Variants in DYNC2H1 observed in about 807,000 individuals in gnomAD.
DYNC2H1 encodes cytoplasmic dynein 2 heavy chain 1.
In DYNC2H1, 410 loss-of-function variants were observed where a neutral mutation model predicts 570.0. That is an observed-to-expected ratio of 0.72 (90% CI 0.66 to 0.78). DYNC2H1 has a LOEUF of 0.78. Among genes scored for constraint, DYNC2H1 ranks in the 30% least tolerant of loss-of-function variants. The probability of loss-of-function intolerance (pLI) is 0.00; values close to 1 mark genes in which losing one functional copy is unlikely to be tolerated. For synonymous variants in DYNC2H1, 1,688 were observed against 1,677.6 expected, an observed-to-expected ratio of 1.01 and a Z score of -0.15; for missense variants, 4,865 against 5,046.4, an observed-to-expected ratio of 0.96 and a Z score of 1.09.
rs1161612436 is a variant in DYNC2H1, at chr11:103,321,116, G to A, written c.11813G>A (p.Arg3938Lys). 6.2e-7 allele frequency: 1 copy of A among 1,612,430 alleles called. No homozygotes were observed. Among genetic ancestry groups the A allele is most frequent in the African/African-American group, 1.3e-5 (1 of 74,882 alleles). Residue 3938 changes from arginine to lysine, a missense_variant, in exon 81 of 89, where the codon AGA becomes AAA. Coordinates refer to ENST00000375735, the MANE Select transcript of DYNC2H1 (RefSeq NM_001377.3). ...CGTATAGACAACTATTTTGACCTTA[G>A]AGTTCTTCAGTCATACCTGAAGCAG... ...GGRIDNYFDL[R>K]VLQSYLKQFF...
At chr11:103,118,517 C>CA (rs1858537283) in intron 6 of DYNC2H1, among the ~76,000 whole-genome samples, 1 of 150,924 alleles carries the variant, frequency 6.6e-6, no homozygotes, top group African/African-American at 2.4e-5. Context: ...TTCTCTTAAC[C>CA]TTTTTTTTTA....
At chr11:103,348,829 T>G (rs1939894731) in intron 82 of DYNC2H1, among the ~76,000 whole-genome samples, 1 of 152,090 alleles carries the variant, frequency 6.6e-6, no homozygotes, top group Non-Finnish European at 1.5e-5. Flanking sequence ...GGGAGGTGAT[T>G]AGATTATGGG....
rs1565613779 is a variant in DYNC2H1, at chr11:103,455,192, G to A, written c.12463G>A (p.Val4155Ile). The change falls in exon 86 of 89, where the codon GTA becomes ATA. Residue 4155 changes from valine (V) to isoleucine (I), a missense_variant. Val to Ile is a conservative substitution (Grantham distance 29, BLOSUM62 3). Around this residue, in one of 5 missense-constraint regions of DYNC2H1, gnomAD observed 2,401 missense variants for 2,454.6 expected, o/e 0.98. Transcript: ENST00000375735. ...VARALAIQNW[V>I]DKAEKQALLS... Reference sequence around the variant, plus strand: ...CATATTTCCCCCCCTCTAGAACTGGGTAGATAAAGCTGAAAAACAGGCTCT... The same window carrying A: ...CATATTTCCCCCCCTCTAGAACTGGATAGATAAAGCTGAAAAACAGGCTCT... 4 of 1,612,804 alleles carry A rather than the reference G, an allele frequency of 2.5e-6. No individual in the cohort carries two copies. The highest frequency in any genetic ancestry group is 3.4e-6 in the Non-Finnish European group (4 of 1,179,102).
chr11:103,310,899 A>G (rs1057502886), intron 78 of DYNC2H1, among the ~76,000 whole-genome samples: 1 of 151,306 alleles, frequency 6.6e-6, no homozygotes. Flanking sequence ...GGCGGGTTTC[A>G]CCATGTTGGC....
chr11:103,347,191 T>G, intron 82 of DYNC2H1, among the ~76,000 whole-genome samples: 1 of 152,182 alleles, frequency 6.6e-6, no homozygotes, highest in Admixed American at 6.5e-5. Context: ...GATAACGAAC[T>G]CAGTTTAATC....
chr11:103,477,148 C>G (rs527528531), intron 88 of DYNC2H1, among the ~76,000 whole-genome samples: 1 of 152,260 alleles, frequency 6.6e-6, no homozygotes, highest in East Asian at 1.9e-4. Flanking sequence ...TACTCCAGAG[C>G]CTGAAAATAA....
intron 40 of DYNC2H1, among the ~76,000 whole-genome samples, chr11:103,183,704 A>C (rs1861945734): frequency 1.3e-5 from 2 of 151,934 alleles, no homozygotes; most frequent in African/African-American, 4.8e-5. Context: ...ATATAGAAGA[A>C]AATATGTACA....
At position 103,116,558 on chromosome 11, in the gene DYNC2H1, A is replaced by G. The variant is rs1858407505; in HGVS notation, c.622-12A>G. On this transcript the variant is annotated splice_polypyrimidine_tract_variant and intron_variant, in intron 4 of 88. Transcript: ENST00000375735. ...TATAATTATGTTTAAAAATTAATGC[A>G]TTTTTTTCTAGGAGTTTTATAACTT... is the stretch of plus-strand genomic sequence containing the variant. 1 of 1,566,090 alleles carries G rather than the reference A, an allele frequency of 6.4e-7. No individual in the cohort carries two copies. Among genetic ancestry groups the G allele is most frequent in the South Asian group, 1.2e-5 (1 of 81,280 alleles).
At chr11:103,223,829 C>T (rs2135160222) in intron 59 of DYNC2H1, among the ~76,000 whole-genome samples, 1 of 150,816 alleles carries the variant, frequency 6.6e-6, no homozygotes, top group Middle Eastern at 3.5e-3. Flanking sequence ...CTTACTTCAA[C>T]CTCCGCCTCC....
rs1288014066 is a variant in DYNC2H1 at position 103,199,934 on chromosome 11, GAATA to G, written c.8089-105_8089-102del. 1 of 693,050 alleles carries G rather than the reference GAATA, an allele frequency of 1.4e-6. No homozygotes were observed. Among genetic ancestry groups the G allele is most frequent in the African/African-American group, 1.9e-5 (1 of 52,730 alleles). The allele number at this position is 693,050 out of a possible 1,614,324, so 42.9% of individuals were successfully genotyped here. On this transcript the variant is annotated intron_variant, in intron 49 of 88. Coordinates refer to ENST00000375735, the MANE Select transcript of DYNC2H1 (RefSeq NM_001377.3). The surrounding 1 kb of genome is among the most constrained non-coding windows in gnomAD (Gnocchi z 4.6). ...TTTAATTATTAAAATGGAAATAAAT[GAATA>G]AATAAACACATGATACTGGCATACT...
chr11:103,372,625 C>A (rs937567473), intron 83 of DYNC2H1, among the ~76,000 whole-genome samples: 1 of 151,966 alleles, frequency 6.6e-6, no homozygotes, highest in African/African-American at 2.4e-5. Context: ...GAATTTGGTT[C>A]GCTAGTATCT....
chr11:103,445,805 T>C (rs12283890), intron 85 of DYNC2H1, among the ~76,000 whole-genome samples: 53,313 of 151,556 alleles, frequency 0.35, 9,844 homozygotes, highest in African/African-American at 0.47. Flanking sequence ...GCGCACACCA[T>C]CATGCCCGGC....
intron 88 of DYNC2H1, chr11:103,473,960 A>G (rs546620433): frequency 8.4e-5 from 13 of 154,402 alleles, no homozygotes; most frequent in Middle Eastern, 1.4e-3. Flanking sequence ...ATTACTTTAT[A>G]TTTTGTATAG....
rs934373533 is a variant in DYNC2H1, at chr11:103,177,303, T to A, written c.5875-253T>A. Among the ~76,000 whole-genome samples, 1 of 152,142 alleles carries A rather than the reference T, an allele frequency of 6.6e-6. No individual in the cohort carries two copies. Among genetic ancestry groups the A allele is most frequent in the African/African-American group, 2.4e-5 (1 of 41,434 alleles). On this transcript the variant is annotated intron_variant, in intron 37 of 88. Coordinates refer to ENST00000375735, the MANE Select transcript of DYNC2H1 (RefSeq NM_001377.3). The surrounding 1 kb of genome is among the most constrained non-coding windows in gnomAD (Gnocchi z 4.4). ...TGGAGCAAGTAACGAACATAATTGT[T>A]CATACAAGTTTTTTGAACTTGGAAA... is the stretch of plus-strand genomic sequence containing the variant.
chr11:103,184,239 A>T (rs1478833301), intron 40 of DYNC2H1, among the ~76,000 whole-genome samples: 7 of 151,956 alleles, frequency 4.6e-5, no homozygotes. Context: ...CTCCATGAAG[A>T]CAGGGACCCT....
rs1239693248 is a variant in DYNC2H1 at position 103,181,913 on chromosome 11, TAATC to T, written c.6477+28_6477+31del. On this transcript the variant is annotated intron_variant, in intron 40 of 88. Coordinates refer to ENST00000375735, the MANE Select transcript of DYNC2H1 (RefSeq NM_001377.3). The surrounding 1 kb of genome is among the most constrained non-coding windows in gnomAD (Gnocchi z 5.0). Reference sequence around the variant, plus strand: ...TAAATTAACCATAATATTTCATAATTAATCGAGGTGAGAAGTATGATTAAGAGTG... The same window carrying T: ...TAAATTAACCATAATATTTCATAATTGAGGTGAGAAGTATGATTAAGAGTG... The T allele has an allele frequency of 1.3e-6, 2 of 1,592,474 alleles. No homozygotes were observed. The highest frequency in any genetic ancestry group is 4.5e-5 in the East Asian group (2 of 44,180).
At chr11:103,478,086 T>C (rs993916170) in intron 88 of DYNC2H1, among the ~76,000 whole-genome samples, 1 of 152,082 alleles carries the variant, frequency 6.6e-6, no homozygotes, top group Middle Eastern at 3.4e-3. Flanking sequence ...AGACTGACAA[T>C]TTGAACACCA....
chr11:103,152,744 A>G (rs1157318789), intron 21 of DYNC2H1, among the ~76,000 whole-genome samples: 1 of 152,106 alleles, frequency 6.6e-6, no homozygotes, highest in Non-Finnish European at 1.5e-5. Context: ...CTTTTTGTCT[A>G]CCATCTCTAG....
intron 83 of DYNC2H1, among the ~76,000 whole-genome samples, chr11:103,386,564 T>C (rs1941883415): frequency 6.6e-6 from 1 of 152,158 alleles, no homozygotes; most frequent in Admixed American, 6.5e-5. Flanking sequence ...GTTTGTTACA[T>C]ATGTATACAT....
Sources: allele counts gnomAD v4.1 joint callset (sites outside exome capture counted in the v4.1 genomes callset), GRCh38; gene constraint gnomAD v4.1.1; regional missense constraint gnomAD v4.1.1; non-coding constraint Gnocchi (gnomAD v3.1); transcripts MANE v1.5; gene names NCBI Gene and HGNC (gene_info 2026-07-23, HGNC 2026-07-21).